The following TGFBRAP1 variants were observed in gnomAD, a reference collection of about 807,000 sequenced individuals.
TGFBRAP1 encodes transforming growth factor-beta receptor-associated protein 1.
TGFBRAP1 carries 20 observed loss-of-function variants against 83.2 expected under a neutral mutation model. The ratio of observed to expected loss-of-function variants is 0.24; its 90% confidence interval spans 0.17 to 0.35. TGFBRAP1 has a LOEUF of 0.35. Among genes scored for constraint, TGFBRAP1 ranks in the 10% least tolerant of loss-of-function variants. TGFBRAP1 has a pLI of 1.00. For synonymous variants in TGFBRAP1, 415 were observed against 459.8 expected (o/e 0.90, Z 1.25); for missense variants, 950 against 1,099.4 (o/e 0.86, Z 1.92).
intron 1 of TGFBRAP1, among the ~76,000 whole-genome samples, chr2:105,317,434 C>CAA (rs1175634496): frequency 2.6e-4 from 24 of 92,866 alleles, no homozygotes; most frequent in African/African-American, 5.5e-4. Context: ...AGACTCATCT[C>CAA]AAAAAAAAAA....
chr2:105,320,302 C>T (rs547273069), intron 1 of TGFBRAP1, among the ~76,000 whole-genome samples: 83 of 152,262 alleles, frequency 5.5e-4, no homozygotes, highest in African/African-American at 1.9e-3. Context: ...AGGCACTGTC[C>T]TATGAATAAG....
At chr2:105,290,131 A>G (rs1276832352) in intron 4 of TGFBRAP1, among the ~76,000 whole-genome samples, 2 of 152,174 alleles carry the variant, frequency 1.3e-5, no homozygotes, top group African/African-American at 4.8e-5. Flanking sequence ...CAGTGGCACA[A>G]TCTTGGCTCA....
intron 1 of TGFBRAP1, among the ~76,000 whole-genome samples, chr2:105,329,332 C>T (rs978533975): frequency 5.9e-5 from 9 of 152,048 alleles, no homozygotes; most frequent in Admixed American, 3.9e-4. Flanking sequence ...CACCCGTGCA[C>T]ACTTCATCCC....
At chr2:105,323,739 C>T (rs1679136288) in intron 1 of TGFBRAP1, among the ~76,000 whole-genome samples, 2 of 152,186 alleles carry the variant, frequency 1.3e-5, no homozygotes, top group Non-Finnish European at 2.9e-5. Context: ...TGCCAAACAC[C>T]TCCAATTCCC....
chr2:105,324,172 A>G (rs1174434734), intron 1 of TGFBRAP1: 1 of 152,252 alleles, frequency 6.6e-6, no homozygotes, highest in Non-Finnish European at 1.5e-5. Flanking sequence ...ATAGTGGTAT[A>G]CTAGCACTAA....
At chr2:105,306,929 G>A (rs1678519173) in intron 2 of TGFBRAP1, among the ~76,000 whole-genome samples, 1 of 152,108 alleles carries the variant, frequency 6.6e-6, no homozygotes, top group Admixed American at 6.6e-5. Flanking sequence ...AACCTTCCTG[G>A]GGTGGAGGTA....
intron 2 of TGFBRAP1, among the ~76,000 whole-genome samples, chr2:105,302,973 G>C (rs913648254): frequency 6.6e-6 from 1 of 152,204 alleles, no homozygotes; most frequent in Non-Finnish European, 1.5e-5. Context: ...GGGAGCGGTA[G>C]TGCTGGTCCT....
At chr2:105,284,093 C>T (rs1174932187) in intron 5 of TGFBRAP1, among the ~76,000 whole-genome samples, 1 of 152,104 alleles carries the variant, frequency 6.6e-6, no homozygotes, top group Non-Finnish European at 1.5e-5. Flanking sequence ...TTTGTCTGCT[C>T]CCACTCTAAG....
chr2:105,270,563 G>A (rs991742300), intron 10 of TGFBRAP1, among the ~76,000 whole-genome samples: 2 of 152,224 alleles, frequency 1.3e-5, no homozygotes, highest in African/African-American at 2.4e-5. Flanking sequence ...GAAATATTAT[G>A]AGGACAACCC....
intron 1 of TGFBRAP1, among the ~76,000 whole-genome samples, chr2:105,316,458 T>TGCGC (rs1356366345): frequency 3.0e-4 from 20 of 67,062 alleles, no homozygotes; most frequent in African/African-American, 7.2e-4. Context: ...TGTGTGTGTG[T>TGCGC]GTGTGCGCGC....
In TGFBRAP1 at chr2:105,321,171, T is replaced by TA. The variant is rs201011841; in HGVS notation, c.-18+8453_-18+8454insT. Among the ~76,000 whole-genome samples, 706 of 147,770 alleles carry TA rather than the reference T, an allele frequency of 4.8e-3. 13 individuals are homozygous for TA. The highest frequency in any genetic ancestry group is 0.044 in the South Asian group (205 of 4,684). On this transcript the variant is annotated intron_variant, in intron 1 of 11. Transcript: ENST00000393359. The stretch of plus-strand genomic sequence containing the variant: ...ACAATGACTTATTTATTTATTTATT[T>TA]TTTTTTTTTTTGAGATGGAGTCTCT...
At chr2:105,281,698 C>A (rs1677543273) in intron 5 of TGFBRAP1, among the ~76,000 whole-genome samples, 2 of 152,208 alleles carry the variant, frequency 1.3e-5, no homozygotes, top group Admixed American at 1.3e-4. Context: ...CCTCAAGCAT[C>A]CCTCCCACAC....
At chr2:105,280,245 C>T (rs1001139255) in intron 6 of TGFBRAP1, 137 bp downstream of exon 6, 7 of 848,186 alleles carry the variant, frequency 8.3e-6, no homozygotes, top group Non-Finnish European at 1.1e-5. Context: ...ACTATGATTT[C>T]GTGGCAGTCA....
At chr2:105,281,363 C>A (rs1677531591) in intron 5 of TGFBRAP1, among the ~76,000 whole-genome samples, 1 of 152,146 alleles carries the variant, frequency 6.6e-6, no homozygotes, top group Admixed American at 6.5e-5. Context: ...AGCTGTGGAT[C>A]TCAAACCTGG....
In TGFBRAP1 at chr2:105,301,852, C is replaced by T. The variant is rs969499297; in HGVS notation, c.689-3147G>A. Among the ~76,000 whole-genome samples the T allele has an allele frequency of 2.0e-5, 3 of 152,196 alleles. No homozygotes were observed. In the East Asian group the frequency reaches 5.8e-4, roughly 29 times the overall value. On this transcript the variant is annotated intron_variant, in intron 2 of 11. Transcript: ENST00000393359. ...CTCCTGGGCTCAAGCGGTCCTCCTG[C>T]CTCAGCTTCCTGTGGCTGGGACCAC...
At chr2:105,253,178 G>A in the TGFBRAP1 span, among the ~76,000 whole-genome samples, 9 of 152,086 alleles carry the variant, frequency 5.9e-5, no homozygotes, top group Non-Finnish European at 8.8e-5. Flanking sequence ...TGTTGCCCTG[G>A]CTGGAGTGCA....
chr2:105,298,009 C>T (rs1385361963), intron 3 of TGFBRAP1, among the ~76,000 whole-genome samples: 1 of 152,306 alleles, frequency 6.6e-6, no homozygotes, highest in Non-Finnish European at 1.5e-5. Flanking sequence ...CTCCTGCCTC[C>T]GCCACCCTGA....
intron 6 of TGFBRAP1, among the ~76,000 whole-genome samples, chr2:105,279,871 C>A (rs1406978853): frequency 6.6e-6 from 1 of 151,942 alleles, no homozygotes; most frequent in East Asian, 1.9e-4. Flanking sequence ...AACCCCGTCT[C>A]TACTAAAAAT....
intron 7 of TGFBRAP1, among the ~76,000 whole-genome samples, chr2:105,276,420 A>G (rs2104325528): frequency 6.6e-6 from 1 of 152,272 alleles, no homozygotes; most frequent in African/African-American, 2.4e-5. Context: ...CACCCCTCCA[A>G]GCCACAGCAC....
Sources: gnomAD v4.1 joint callset for allele counts (sites outside exome capture counted in the v4.1 genomes callset) on GRCh38, gnomAD v4.1.1 for gene constraint, MANE v1.5 for transcripts, NCBI Gene and HGNC (gene_info 2026-07-23, HGNC 2026-07-21) for gene names.